The following ELOVL5 variants were observed in gnomAD, a reference collection of about 807,000 sequenced individuals.
The protein encoded by ELOVL5 is very long chain fatty acid elongase 5.
In ELOVL5, 8 loss-of-function variants were observed where a neutral mutation model predicts 38.6. The ratio of observed to expected loss-of-function variants is 0.21; its 90% CI spans 0.12 to 0.37. The LOEUF is 0.37. ELOVL5 is among the 10% of genes least tolerant of loss of function. The pLI is 1.00. For missense variants in ELOVL5, 280 were observed against 367.8 expected, an observed-to-expected ratio of 0.76 and a Z score of 1.95; for synonymous variants, 127 against 133.7, an observed-to-expected ratio of 0.95 and a Z score of 0.34.
At chr6:53,338,688 C>A (rs1485801212) in intron 1 of ELOVL5, among the ~76,000 whole-genome samples, 2 of 152,212 alleles carry the variant, frequency 1.3e-5, no homozygotes, top group Non-Finnish European at 2.9e-5. Flanking sequence ...AACCAAAAGA[C>A]TGCAATTGCA....
At chr6:53,331,101 G>A (rs1006590867) in intron 1 of ELOVL5, among the ~76,000 whole-genome samples, 8 of 152,194 alleles carry the variant, frequency 5.3e-5, no homozygotes, top group African/African-American at 1.9e-4. Context: ...AGACCGAGGT[G>A]GAAGGACTGC....
intron 1 of ELOVL5, among the ~76,000 whole-genome samples, chr6:53,324,339 T>C (rs897055392): frequency 3.3e-5 from 5 of 151,362 alleles, no homozygotes; most frequent in Non-Finnish European, 7.4e-5. Context: ...CATAAGTTTA[T>C]ATAACTAAAA....
At chr6:53,313,834 G>A (rs914178359) in intron 1 of ELOVL5, among the ~76,000 whole-genome samples, 1 of 152,234 alleles carries the variant, frequency 6.6e-6, no homozygotes, top group African/African-American at 2.4e-5. Context: ...ACAATGTGCA[G>A]TCACTATGTG....
chr6:53,302,747 AG>A lies in ELOVL5; in HGVS notation c.-8-7041del, dbSNP rs1767308939. 2.0e-5 allele frequency among the ~76,000 whole-genome samples: 3 copies of A among 151,902 alleles called. No homozygotes were observed. The South Asian group carries it at 6.2e-4, about 31-fold the overall frequency. ...ACTCTAAAACAGTAAAGATATTTTT[AG>A]GGCCAAGTCTTGGTTTGTCTGGCTT... is the stretch of plus-strand genomic sequence containing the variant. On this transcript the variant is annotated intron_variant, in intron 1 of 7. Transcript: ENST00000304434.
chr6:53,319,160 A>C (rs530306768), intron 1 of ELOVL5, among the ~76,000 whole-genome samples: 1 of 151,726 alleles, frequency 6.6e-6, no homozygotes, highest in African/African-American at 2.4e-5. Context: ...AGTCCCAGCT[A>C]CTCGGGAGGC....
intron 1 of ELOVL5, among the ~76,000 whole-genome samples, chr6:53,323,507 G>A (rs1768379192): frequency 6.7e-6 from 1 of 148,830 alleles, no homozygotes; most frequent in Admixed American, 6.7e-5. Context: ...GTGAAGCTAT[G>A]ACTAAAAAAG....
chr6:53,316,454 C>A (rs1046141572), intron 1 of ELOVL5, among the ~76,000 whole-genome samples: 1 of 150,990 alleles, frequency 6.6e-6, no homozygotes, highest in Non-Finnish European at 1.5e-5. Context: ...AGACAGAAGG[C>A]AGAGATGAAA....
chr6:53,269,740 GAT>G (rs926646165), intron 7 of ELOVL5, among the ~76,000 whole-genome samples: 2 of 152,190 alleles, frequency 1.3e-5, no homozygotes, highest in African/African-American at 4.8e-5. Context: ...GAATAAATGT[GAT>G]TTCAGCTTCA....
chr6:53,270,793 AC>A, intron 6 of ELOVL5, 66 bp from the exon 7 acceptor site: 1 of 1,583,782 alleles, frequency 6.3e-7, no homozygotes, highest in Non-Finnish European at 8.6e-7. Flanking sequence ...CACCAGGCAG[AC>A]TTTTTAACCA....
intron 1 of ELOVL5, among the ~76,000 whole-genome samples, chr6:53,299,121 A>G (rs1021485641): frequency 6.6e-6 from 1 of 152,236 alleles, no homozygotes; most frequent in Admixed American, 6.5e-5. Context: ...AAAAGGATCC[A>G]GATATAGTAA....
intron 1 of ELOVL5, among the ~76,000 whole-genome samples, chr6:53,333,837 G>T (rs1264291938): frequency 2.0e-5 from 3 of 152,144 alleles, no homozygotes; most frequent in Admixed American, 6.5e-5. Flanking sequence ...TATACTTGGT[G>T]CAGTATTCAC....
chr6:53,292,089 A>T (rs1329469266), intron 2 of ELOVL5, 126 bp from the exon 3 acceptor site: 1 of 554,416 alleles, frequency 1.8e-6, no homozygotes, highest in African/African-American at 1.9e-5. Context: ...CCAATAAAGC[A>T]ATCAGGAGAG....
At chr6:53,297,132 G>A (rs1248961755) in intron 1 of ELOVL5, among the ~76,000 whole-genome samples, 1 of 152,088 alleles carries the variant, frequency 6.6e-6, no homozygotes, top group Non-Finnish European at 1.5e-5. Context: ...GGCTGGAAAC[G>A]AAGGCACCAG....
chr6:53,323,576 CTTT>C (rs3063792), intron 1 of ELOVL5, among the ~76,000 whole-genome samples: 6 of 81,548 alleles, frequency 7.4e-5, no homozygotes, highest in African/African-American at 2.9e-4. Context: ...TACTAGCCAG[CTTT>C]TTTTTTTTTT....
At chr6:53,304,895 CA>C in intron 1 of ELOVL5, among the ~76,000 whole-genome samples, 1 of 152,228 alleles carries the variant, frequency 6.6e-6, no homozygotes. Context: ...TTCTATTCCA[CA>C]AAACCACCAT....
At chr6:53,346,105 C>T (rs1357843000) in intron 1 of ELOVL5, among the ~76,000 whole-genome samples, 1 of 152,114 alleles carries the variant, frequency 6.6e-6, no homozygotes, top group Admixed American at 6.5e-5. Flanking sequence ...TGTTTCCCTC[C>T]CTGTGTCCAT....
At chr6:53,289,852 C>T (rs1766709700) in intron 3 of ELOVL5, among the ~76,000 whole-genome samples, 1 of 152,150 alleles carries the variant, frequency 6.6e-6, no homozygotes, top group African/African-American at 2.4e-5. Flanking sequence ...ATGTGAATAC[C>T]ATCAACTTGG....
At chr6:53,286,049 T>G (rs566740904) in intron 3 of ELOVL5, among the ~76,000 whole-genome samples, 5 of 152,366 alleles carry the variant, frequency 3.3e-5, no homozygotes, top group African/African-American at 1.2e-4. Context: ...AATACTCATT[T>G]TATTGCAGTG....
At chr6:53,323,103 G>GT (rs1197298480) in intron 1 of ELOVL5, among the ~76,000 whole-genome samples, 7 of 152,162 alleles carry the variant, frequency 4.6e-5, no homozygotes. Flanking sequence ...AACCCTGAAT[G>GT]TTGGCTCCAC....
Sources: allele counts gnomAD v4.1 joint callset (sites outside exome capture counted in the v4.1 genomes callset), GRCh38; gene constraint gnomAD v4.1.1; transcripts MANE v1.5; gene names NCBI Gene and HGNC (gene_info 2026-07-23, HGNC 2026-07-21).